Variants in PCDH15 observed in about 807,000 individuals in gnomAD.
The protein encoded by PCDH15 is protocadherin-15.
A neutral mutation model predicts 178.5 loss-of-function variants in PCDH15; 129 were observed. The ratio of observed to expected loss-of-function variants is 0.72; its 90% CI spans 0.63 to 0.84. The LOEUF (loss-of-function observed/expected upper bound fraction) is 0.84. Among genes scored for constraint, PCDH15 ranks in the 40% least tolerant of loss-of-function variants. PCDH15 has a pLI of 0.00. For missense variants in PCDH15, 2,230 were observed against 2,099.9 expected, an observed-to-expected ratio of 1.06 and a Z score of -1.21; for synonymous variants, 800 against 732.0, an observed-to-expected ratio of 1.09 and a Z score of -1.50.
intron 25 of PCDH15, among the ~76,000 whole-genome samples, chr10:53,937,964 A>T (rs2085721991): frequency 6.6e-6 from 1 of 152,158 alleles, no homozygotes; most frequent in African/African-American, 2.4e-5. Flanking sequence ...TATTCTATTA[A>T]TAGTTAACTT....
chr10:54,622,691 ATATATATTTTC>A (rs1220214343), intron 2 of PCDH15, among the ~76,000 whole-genome samples: 2 of 79,938 alleles, frequency 2.5e-5, no homozygotes, highest in South Asian at 3.2e-4. Context: ...ATATTATATA[ATATATATTTTC>A]TATATATTAT....
intron 4 of PCDH15, among the ~76,000 whole-genome samples, chr10:54,370,726 A>G (rs1263944852): frequency 6.6e-6 from 1 of 151,174 alleles, no homozygotes; most frequent in East Asian, 1.9e-4. Flanking sequence ...TACATATCCT[A>G]TTTTATTTAT....
Position 55,205,873 on chromosome 10 carries a change from C to T in PCDH15, c.-155-39222G>A, listed in dbSNP as rs1456791185. Among the ~76,000 whole-genome samples the T allele has an allele frequency of 4.6e-5, 7 of 152,018 alleles. No homozygotes were observed. The South Asian group carries it at 6.2e-4, about 13-fold the overall frequency. On this transcript the variant is annotated intron_variant, in intron 1 of 5. Transcript: ENST00000458638. ...ATGGCTGGGGAGGCCTCACAGTCATCGCAGAAGGCAAGGAGGAGCAAGTCA... is the reference window on the plus strand; with the variant it reads ...ATGGCTGGGGAGGCCTCACAGTCATTGCAGAAGGCAAGGAGGAGCAAGTCA...
At chr10:54,253,041 A>G (rs904271219) in intron 8 of PCDH15, among the ~76,000 whole-genome samples, 10 of 152,048 alleles carry the variant, frequency 6.6e-5, no homozygotes, top group Middle Eastern at 3.2e-3. Flanking sequence ...TAATTACAAC[A>G]TGTTATAAAG....
At chr10:55,425,120 ATTTTG>A (rs56896869) in intron 2 of PCDH15, among the ~76,000 whole-genome samples, 42,083 of 151,396 alleles carry the variant, frequency 0.28, 6,358 homozygotes, top group East Asian at 0.57. Context: ...AATGACTTAA[ATTTTG>A]TTTTAAGACA....
At chr10:54,886,810 G>A (rs1429015688) in intron 3 of PCDH15, among the ~76,000 whole-genome samples, 1 of 152,180 alleles carries the variant, frequency 6.6e-6, no homozygotes, top group Non-Finnish European at 1.5e-5. Context: ...TCTGTCTTCA[G>A]TTTACCTTGG....
intron 3 of PCDH15, among the ~76,000 whole-genome samples, chr10:54,502,534 C>A (rs1230057617): frequency 6.6e-6 from 1 of 151,980 alleles, no homozygotes; most frequent in Non-Finnish European, 1.5e-5. Flanking sequence ...TATATAAGTT[C>A]TATAAAAGTT....
chr10:54,503,238 T>TGG, intron 3 of PCDH15, among the ~76,000 whole-genome samples: 1 of 110,034 alleles, frequency 9.1e-6, no homozygotes, highest in Non-Finnish European at 1.9e-5. Context: ...TGTGTGTGTG[T>TGG]GTGTGTGTGT....
intron 1 of PCDH15, among the ~76,000 whole-genome samples, chr10:55,316,593 T>C (rs1201118478): frequency 3.3e-5 from 5 of 152,142 alleles, no homozygotes; most frequent in Non-Finnish European, 5.9e-5. Context: ...CTTCAGCTTG[T>C]ATTTGTTTTG....
At chr10:55,278,356 C>A (rs930361630) in intron 1 of PCDH15, among the ~76,000 whole-genome samples, 1 of 151,760 alleles carries the variant, frequency 6.6e-6, no homozygotes, top group Non-Finnish European at 1.5e-5. Context: ...AATAATTATT[C>A]TATTTTCCTT....
At chr10:54,360,556 T>A (rs2134478990) in intron 5 of PCDH15, among the ~76,000 whole-genome samples, 1 of 152,252 alleles carries the variant, frequency 6.6e-6, no homozygotes, top group Non-Finnish European at 1.5e-5. Flanking sequence ...GGGTCCCATT[T>A]CATTACCTTT....
chr10:55,433,105 C>A (rs1025689899), intron 2 of PCDH15, among the ~76,000 whole-genome samples: 2 of 151,932 alleles, frequency 1.3e-5, no homozygotes, highest in African/African-American at 4.8e-5. Context: ...TCTCTATATA[C>A]CCAAATGAAT....
At chr10:54,917,960 T>C (rs1837383361) in intron 2 of PCDH15, among the ~76,000 whole-genome samples, 1 of 150,690 alleles carries the variant, frequency 6.6e-6, no homozygotes, top group Admixed American at 6.6e-5. Context: ...ACTTTTTTTG[T>C]AAACTGATAT....
At chr10:55,307,306 T>C (rs2441759) in intron 1 of PCDH15, among the ~76,000 whole-genome samples, 6 of 151,836 alleles carry the variant, frequency 4.0e-5, no homozygotes, top group African/African-American at 1.5e-4. Context: ...ATCCAGACCA[T>C]CCTGGCTAAC....
intron 25 of PCDH15, among the ~76,000 whole-genome samples, chr10:53,915,133 G>A (rs908657008): frequency 4.6e-5 from 7 of 152,106 alleles, no homozygotes; most frequent in Admixed American, 2.0e-4. Flanking sequence ...CTTAATTTGT[G>A]TATTTTTAAG....
At chr10:54,994,886 TCA>T (rs1839597733) in intron 2 of PCDH15, among the ~76,000 whole-genome samples, 1 of 152,178 alleles carries the variant, frequency 6.6e-6, no homozygotes, top group Non-Finnish European at 1.5e-5. Context: ...TGATAAATTA[TCA>T]GTGTTCCAAC....
chr10:54,303,378 T>G (rs894912821), intron 8 of PCDH15, among the ~76,000 whole-genome samples: 4 of 152,064 alleles, frequency 2.6e-5, no homozygotes, highest in African/African-American at 9.7e-5. Context: ...TGGAAACAAT[T>G]TCATATCCCA....
intron 2 of PCDH15, among the ~76,000 whole-genome samples, chr10:55,526,636 C>CT (rs1299931707): frequency 2.6e-5 from 4 of 152,038 alleles, no homozygotes; most frequent in Non-Finnish European, 5.9e-5. Context: ...CTTTGCACCA[C>CT]TCTGCTATTG....
At chr10:54,468,245 C>T (rs1354132288) in intron 3 of PCDH15, among the ~76,000 whole-genome samples, 2 of 151,806 alleles carry the variant, frequency 1.3e-5, no homozygotes, top group East Asian at 3.9e-4. Context: ...TGAGGTGTAT[C>T]ATTAGATTGT....
Sources: allele counts gnomAD v4.1 joint callset (sites outside exome capture counted in the v4.1 genomes callset), GRCh38; gene constraint gnomAD v4.1.1; transcripts MANE v1.5; gene names NCBI Gene and HGNC (gene_info 2026-07-23, HGNC 2026-07-21).